The following GPC5 variants were observed in gnomAD, a reference collection of about 807,000 sequenced individuals.
GPC5 encodes glypican 5.
GPC5 carries 47 observed loss-of-function variants against 53.9 expected under a neutral mutation model. The ratio of observed to expected loss-of-function variants is 0.87; its 90% CI spans 0.69 to 1.11. GPC5 has a LOEUF of 1.11. Among genes scored for constraint, GPC5 ranks in the 50% most tolerant of loss-of-function variants. The pLI, the probability that GPC5 is intolerant of heterozygous loss-of-function variation, is 0.00. For missense variants in GPC5, 748 were observed against 713.1 expected (o/e 1.05, Z -0.56); for synonymous variants, 286 against 263.3 (o/e 1.09, Z -0.84).
intron 6 of GPC5, among the ~76,000 whole-genome samples, chr13:92,016,517 T>C (rs1470323910): frequency 1.3e-5 from 2 of 152,132 alleles, no homozygotes; most frequent in Non-Finnish European, 1.5e-5. Context: ...TTTATTTTCT[T>C]TCTTGTTTTT....
At chr13:92,766,561 A>T (rs1875414218) in intron 7 of GPC5, among the ~76,000 whole-genome samples, 4 of 152,204 alleles carry the variant, frequency 2.6e-5, no homozygotes, top group African/African-American at 4.8e-5. Flanking sequence ...AACATATCAA[A>T]GTCATGAGTT....
At chr13:92,415,260 G>A (rs972092922) in intron 7 of GPC5, among the ~76,000 whole-genome samples, 6 of 152,166 alleles carry the variant, frequency 3.9e-5, no homozygotes. Flanking sequence ...GACTTTTAGT[G>A]CAACACTCCA....
chr13:91,823,734 C>T (rs558691679), intron 5 of GPC5, among the ~76,000 whole-genome samples: 3 of 152,142 alleles, frequency 2.0e-5, no homozygotes, highest in South Asian at 2.1e-4. Context: ...ACAGTGAGTG[C>T]TTTTGAGTAA....
chr13:92,747,082 T>G (rs543010008), intron 7 of GPC5, among the ~76,000 whole-genome samples: 1 of 152,282 alleles, frequency 6.6e-6, no homozygotes, highest in African/African-American at 2.4e-5. Context: ...TTATACAATC[T>G]TATGGGACCA....
chr13:92,203,802 G>T (rs2139064332), intron 7 of GPC5, among the ~76,000 whole-genome samples: 1 of 148,162 alleles, frequency 6.7e-6, no homozygotes, highest in South Asian at 2.1e-4. Flanking sequence ...TGACTCGCAG[G>T]CAGAATAAAT....
At chr13:92,755,426 A>G (rs1384479789) in intron 7 of GPC5, among the ~76,000 whole-genome samples, 1 of 150,540 alleles carries the variant, frequency 6.6e-6, no homozygotes, top group Non-Finnish European at 1.5e-5. Context: ...AGAACTAGAA[A>G]AGCAAGAGCA....
At chr13:92,602,306 T>C (rs1395330531) in intron 7 of GPC5, among the ~76,000 whole-genome samples, 2 of 145,194 alleles carry the variant, frequency 1.4e-5, no homozygotes, top group East Asian at 4.0e-4. Flanking sequence ...TAAAGAATAA[T>C]TCCTGGTCCC....
At chr13:91,932,758 T>C (rs1021873710) in intron 6 of GPC5, among the ~76,000 whole-genome samples, 14 of 151,962 alleles carry the variant, frequency 9.2e-5, no homozygotes, top group Non-Finnish European at 2.9e-5. Flanking sequence ...AATGAGCTAT[T>C]GTAATGGCCT....
chr13:91,911,085 T>G (rs557401400), intron 6 of GPC5, among the ~76,000 whole-genome samples: 1 of 152,232 alleles, frequency 6.6e-6, no homozygotes, highest in South Asian at 2.1e-4. Flanking sequence ...AAAGGTCTTG[T>G]GGCAGGAATA....
chr13:91,813,920 A>ATTTTT (rs71113766), intron 5 of GPC5, among the ~76,000 whole-genome samples: 14 of 72,646 alleles, frequency 1.9e-4, no homozygotes, highest in Non-Finnish European at 2.5e-4. Context: ...ATCTTAACTG[A>ATTTTT]TTTTTTTTTT....
At position 91,399,122 on chromosome 13, in the gene GPC5, G is replaced by C; in HGVS notation, c.76G>C (p.Gly26Arg). Residue 26 changes from glycine (G) to arginine (R), a missense_variant, in exon 1 of 8, where the codon GGC becomes CGC. Gly to Arg is a moderately radical substitution (Grantham distance 125, BLOSUM62 -2). Transcript: ENST00000377067. ...CCTGGTTGGGTCCGCCCGCAGCGAG[G>C]GCGTGCAGACCTGCGAAGAAGTTCG... ...LALVGSARSE[G>R]VQTCEEVRKL... is the part of the protein sequence containing the mutation. The C allele has an allele frequency of 6.2e-7, 1 of 1,611,534 alleles. No individual in the cohort carries two copies. The highest frequency in any genetic ancestry group is 8.5e-7 in the Non-Finnish European group (1 of 1,179,034).
In GPC5 at chr13:91,656,426, G is replaced by A. The variant is rs943953102; in HGVS notation, c.326-36761G>A. ...TAGATCTGGGAGTAAGGATGGGTATGTAAAATGGACCATAGCCTAATATTT... is the reference window on the plus strand; with the variant it reads ...TAGATCTGGGAGTAAGGATGGGTATATAAAATGGACCATAGCCTAATATTT... On this transcript the variant is annotated intron_variant, in intron 2 of 7. Transcript: ENST00000377067. 3.9e-5 allele frequency among the ~76,000 whole-genome samples: 6 copies of A among 152,188 alleles called. No individual in the cohort carries two copies. The East Asian group carries it at 7.7e-4, about 20-fold the overall frequency.
At chr13:92,189,150 C>T (rs982147482) in intron 7 of GPC5, among the ~76,000 whole-genome samples, 1 of 152,140 alleles carries the variant, frequency 6.6e-6, no homozygotes, top group Non-Finnish European at 1.5e-5. Context: ...CGGTGACTAT[C>T]TGAGAAAAAT....
intron 7 of GPC5, among the ~76,000 whole-genome samples, chr13:92,685,560 A>ATTTTTTTTTTTTTTAAT (rs1887244405): frequency 2.5e-5 from 3 of 120,886 alleles, no homozygotes; most frequent in African/African-American, 3.6e-5. Flanking sequence ...TTTTTTTTTA[A>ATTTTTTTTTTTTTTAAT]TTTTTTTTTT....
intron 7 of GPC5, among the ~76,000 whole-genome samples, chr13:92,701,149 T>G (rs1887724969): frequency 1.3e-5 from 2 of 152,160 alleles, no homozygotes; most frequent in Non-Finnish European, 2.9e-5. Context: ...AATTTATTTT[T>G]GTCATTTTAG....
intron 7 of GPC5, among the ~76,000 whole-genome samples, chr13:92,531,689 T>C (rs976860142): frequency 6.6e-6 from 1 of 152,180 alleles, no homozygotes; most frequent in Non-Finnish European, 1.5e-5. Flanking sequence ...TCCTATTCCA[T>C]AGGATTCCAT....
chr13:92,444,174 A>T (rs1036978889), intron 7 of GPC5, among the ~76,000 whole-genome samples: 5 of 152,200 alleles, frequency 3.3e-5, no homozygotes, highest in Non-Finnish European at 7.3e-5. Flanking sequence ...AAATTTTTAA[A>T]TACATACATA....
intron 2 of GPC5, among the ~76,000 whole-genome samples, chr13:91,675,030 C>T (rs751239504): frequency 4.0e-5 from 6 of 151,598 alleles, no homozygotes; most frequent in African/African-American, 1.2e-4. Context: ...AGATCATTAA[C>T]GTGTTCTTCC....
intron 7 of GPC5, among the ~76,000 whole-genome samples, chr13:92,699,127 G>T (rs1887650965): frequency 6.6e-6 from 1 of 152,088 alleles, no homozygotes; most frequent in African/African-American, 2.4e-5. Flanking sequence ...TCTATTCAGG[G>T]ATTCGACTTC....
Sources: allele counts gnomAD v4.1 joint callset (sites outside exome capture counted in the v4.1 genomes callset), GRCh38; gene constraint gnomAD v4.1.1; transcripts MANE v1.5; gene names NCBI Gene and HGNC (gene_info 2026-07-23, HGNC 2026-07-21).